The following TRAPPC9 variants were observed in gnomAD, a reference collection of about 807,000 sequenced individuals.
The protein encoded by TRAPPC9 is IKK2 binding protein.
TRAPPC9 carries 83 observed loss-of-function variants against 124.0 expected under a neutral mutation model. That is an observed-to-expected ratio of 0.67 (90% confidence interval 0.56 to 0.80). The LOEUF is 0.80. Ranked by LOEUF, TRAPPC9 falls within the 30% of genes least tolerant of loss-of-function variation. TRAPPC9 has a pLI of 0.00. For missense variants in TRAPPC9, 1,302 were observed against 1,508.3 expected, an observed-to-expected ratio of 0.86 and a Z score of 2.27; for synonymous variants, 638 against 617.5, an observed-to-expected ratio of 1.03 and a Z score of -0.49.
intron 21 of TRAPPC9, among the ~76,000 whole-genome samples, chr8:139,860,575 G>A (rs1172093667): frequency 1.3e-5 from 2 of 152,038 alleles, no homozygotes; most frequent in Non-Finnish European, 2.9e-5. Flanking sequence ...AACAAACCAG[G>A]CCTGGAGCTC....
intron 21 of TRAPPC9, among the ~76,000 whole-genome samples, chr8:139,858,510 T>C (rs1827936911): frequency 6.6e-6 from 1 of 152,226 alleles, no homozygotes; most frequent in Non-Finnish European, 1.5e-5. Flanking sequence ...CCAAGATTTT[T>C]AGTTGACTTT....
At chr8:139,794,257 C>A (rs1183812471) in intron 21 of TRAPPC9, among the ~76,000 whole-genome samples, 1 of 152,212 alleles carries the variant, frequency 6.6e-6, no homozygotes, top group East Asian at 1.9e-4. Flanking sequence ...CCTTGGTGGT[C>A]CCCTAACGAT....
At chr8:140,034,921 T>C (rs1258109459) in intron 17 of TRAPPC9, among the ~76,000 whole-genome samples, 1 of 152,234 alleles carries the variant, frequency 6.6e-6, no homozygotes, top group Non-Finnish European at 1.5e-5. Context: ...AAGCTGGCGC[T>C]GCCCTGAAGA....
chr8:139,800,331 G>A (rs1823396017), intron 21 of TRAPPC9, among the ~76,000 whole-genome samples: 1 of 152,260 alleles, frequency 6.6e-6, no homozygotes, highest in Non-Finnish European at 1.5e-5. Context: ...GGAAGTGGGT[G>A]ACCAGAGCTG....
intron 17 of TRAPPC9, among the ~76,000 whole-genome samples, chr8:140,080,821 T>C (rs1187581004): frequency 2.6e-5 from 4 of 152,214 alleles, no homozygotes; most frequent in African/African-American, 9.6e-5. Context: ...GCTTTCATCA[T>C]GTGTGTAATG....
chr8:140,092,951 C>T (rs1844670372), intron 17 of TRAPPC9, among the ~76,000 whole-genome samples: 1 of 151,810 alleles, frequency 6.6e-6, no homozygotes, highest in Admixed American at 6.6e-5. Context: ...AATCCATTTA[C>T]TTCAAGATTA....
In TRAPPC9 at chr8:139,994,248, G is replaced by A. The variant is rs187987382; in HGVS notation, c.2700-5412C>T. On this transcript the variant is annotated intron_variant, in intron 18 of 22. Transcript: ENST00000438773. The stretch of plus-strand genomic sequence containing the variant: ...GCCAGAGGGCATGTTGCTGTGCGTC[G>A]CTGAGCTGGCGGCCCTGTGGGCAGC... Among the ~76,000 whole-genome samples the A allele has an allele frequency of 7.9e-3, 1,209 of 152,344 alleles. 15 individuals carry two copies. Among genetic ancestry groups the A allele is most frequent in the Non-Finnish European group, 8.0e-3 (543 of 68,036 alleles).
At chr8:139,738,652 C>T (rs993101717) in intron 21 of TRAPPC9, among the ~76,000 whole-genome samples, 3 of 152,206 alleles carry the variant, frequency 2.0e-5, no homozygotes, top group East Asian at 1.9e-4. Flanking sequence ...CAGAACCACA[C>T]GGCGGGGTTA....
At chr8:139,977,486 C>G (rs1035885648) in intron 19 of TRAPPC9, among the ~76,000 whole-genome samples, 1 of 151,414 alleles carries the variant, frequency 6.6e-6, no homozygotes, top group African/African-American at 2.4e-5. Context: ...GGCGTGGTGG[C>G]GGGCGCCTGT....
rs947865586 is a variant in TRAPPC9, at chr8:139,833,882, G to A, written c.3055+51997C>T. On this transcript the variant is annotated intron_variant, in intron 21 of 22. Transcript: ENST00000438773. ...AGGGCCACCCTGGTGTTATTCCTGG[G>A]TATGGCTACTGAAAGTCAGGAGGGA... 2.6e-5 allele frequency among the ~76,000 whole-genome samples: 4 copies of A among 152,218 alleles called. No homozygotes were observed. In the South Asian group the frequency reaches 6.2e-4, roughly 24 times the overall value.
At chr8:140,091,011 C>T (rs1318467559) in intron 17 of TRAPPC9, among the ~76,000 whole-genome samples, 1 of 152,198 alleles carries the variant, frequency 6.6e-6, no homozygotes, top group Non-Finnish European at 1.5e-5. Context: ...GAGGATCAGC[C>T]TCAAGGACTG....
Position 140,002,842 on chromosome 8 carries a change from AT to A in TRAPPC9, c.2700-14007del, listed in dbSNP as rs1349124026. 6.9e-3 allele frequency among the ~76,000 whole-genome samples: 630 copies of A among 91,538 alleles called. 3 individuals are homozygous for A. Among genetic ancestry groups the A allele is most frequent in the African/African-American group, 0.036 (577 of 15,942 alleles). The allele number at this position is 91,538 out of a possible 152,430, so 60.1% of individuals were successfully genotyped here. On this transcript the variant is annotated intron_variant, in intron 18 of 22. Transcript: ENST00000438773. ...GTGTTGGGACAACTGGATTCCACTT[AT>A]CAAAAAAAAAAAAAAAAAAAAAAAG...
At chr8:139,990,154 C>G (rs1837531605) in intron 18 of TRAPPC9, among the ~76,000 whole-genome samples, 1 of 152,146 alleles carries the variant, frequency 6.6e-6, no homozygotes, top group African/African-American at 2.4e-5. Context: ...GGAGGCAAGG[C>G]TTTGCTGGCT....
At chr8:139,800,456 A>G (rs908614932) in intron 21 of TRAPPC9, among the ~76,000 whole-genome samples, 31 of 152,238 alleles carry the variant, frequency 2.0e-4, no homozygotes, top group African/African-American at 7.0e-4. Flanking sequence ...GTGCAGAGGC[A>G]GGAAGACAAT....
At chr8:140,285,539 G>A (rs767477387) in intron 13 of TRAPPC9, among the ~76,000 whole-genome samples, 30 of 152,212 alleles carry the variant, frequency 2.0e-4, no homozygotes, top group Middle Eastern at 3.4e-3. Flanking sequence ...CTTTGGCACC[G>A]TGTGTAAGAA....
At chr8:140,024,685 T>C (rs992283365) in intron 17 of TRAPPC9, among the ~76,000 whole-genome samples, 1 of 152,074 alleles carries the variant, frequency 6.6e-6, no homozygotes, top group South Asian at 2.1e-4. Flanking sequence ...GCGTGTGGGA[T>C]GACAGGCGTG....
At chr8:140,276,043 G>A (rs1470703782) in intron 14 of TRAPPC9, among the ~76,000 whole-genome samples, 1 of 152,138 alleles carries the variant, frequency 6.6e-6, no homozygotes, top group Non-Finnish European at 1.5e-5. Flanking sequence ...CCAGGTCTTT[G>A]TGTGTCATAA....
chr8:140,439,313 G>T, intron 2 of TRAPPC9, 116 bp from the exon 3 acceptor site: 2 of 1,175,872 alleles, frequency 1.7e-6, no homozygotes, highest in Non-Finnish European at 2.4e-6. Flanking sequence ...GCAACTGTAG[G>T]CTCTATAATT....
chr8:140,140,121 A>G (rs1027535913), intron 17 of TRAPPC9, among the ~76,000 whole-genome samples: 1 of 152,152 alleles, frequency 6.6e-6, no homozygotes, highest in African/African-American at 2.4e-5. Context: ...GAGCACACGC[A>G]GGGGCAGGGA....
Sources: gnomAD v4.1 joint callset for allele counts (sites outside exome capture counted in the v4.1 genomes callset) on GRCh38, gnomAD v4.1.1 for gene constraint, MANE v1.5 for transcripts, NCBI Gene and HGNC (gene_info 2026-07-23, HGNC 2026-07-21) for gene names.